The following MBTD1 variants were observed in gnomAD, a reference collection of about 807,000 sequenced individuals.
The protein encoded by MBTD1 is MBT domain-containing protein 1.
MBTD1 carries 24 observed loss-of-function variants against 87.8 expected under a neutral mutation model. The observed-to-expected ratio is 0.27, with a 90% CI of 0.20 to 0.38. The LOEUF is 0.38. Among genes scored for constraint, MBTD1 ranks in the 10% least tolerant of loss-of-function variants. MBTD1 has a pLI of 1.00. For missense variants in MBTD1, 436 were observed against 760.2 expected, an observed-to-expected ratio of 0.57 and a Z score of 5.02; for synonymous variants, 237 against 248.6, an observed-to-expected ratio of 0.95 and a Z score of 0.44.
In MBTD1 at chr17:51,233,287, T is replaced by C. The variant is rs370616110; in HGVS notation, c.-48-8078A>G. Among the ~76,000 whole-genome samples the C allele has an allele frequency of 1.3e-4, 20 of 152,194 alleles. 2 individuals are homozygous for C. The South Asian group carries it at 2.3e-3, about 17-fold the overall frequency. On this transcript the variant is annotated intron_variant, in intron 2 of 16. Transcript: ENST00000586178. ...GTAGACAGTCTAATCAGGTGCTTAG[T>C]ACCTAAACATTAAGGCCTCTAAGTA...
chr17:51,221,310 C>A (rs916284453), intron 3 of MBTD1, among the ~76,000 whole-genome samples: 8 of 152,094 alleles, frequency 5.3e-5, no homozygotes, highest in Admixed American at 5.2e-4. Context: ...AAACAAAAAA[C>A]AAAACAAAAC....
In MBTD1 at chr17:51,252,733, C is replaced by CAA. The variant is rs58514235; in HGVS notation, c.-49+6408_-49+6409dup. ...TGGGCGACAGAGTGAGACTCTGTCT[C>CAA]AAAAAAAAACAAAACAACAAAACAA... is the stretch of plus-strand genomic sequence containing the variant. On this transcript the variant is annotated intron_variant, in intron 2 of 16. Coordinates refer to ENST00000586178, the MANE Select transcript of MBTD1 (RefSeq NM_017643.3). Among the ~76,000 whole-genome samples the CAA allele has an allele frequency of 4.9e-3, 725 of 148,208 alleles. 4 individuals are homozygous for CAA. The highest frequency in any genetic ancestry group is 9.8e-3 in the South Asian group (46 of 4,682).
intron 6 of MBTD1, chr17:51,209,273 G>A: frequency 2.3e-6 from 1 of 440,776 alleles, no homozygotes; most frequent in South Asian, 1.7e-5. Flanking sequence ...GGCATAGCAT[G>A]AACTAGCAGA....
intron 1 of MBTD1, among the ~76,000 whole-genome samples, chr17:51,259,506 A>G (rs918504850): frequency 5.3e-5 from 8 of 152,056 alleles, no homozygotes; most frequent in Non-Finnish European, 1.2e-4. Flanking sequence ...CTAAAAAAGG[A>G]AAAGTCTCGG....
rs937631205 is a variant in MBTD1 at position 51,255,921 on chromosome 17, C to T, written c.-49+3222G>A. ...TTAATATTAACCAATATTTATTGAA[C>T]GATATATACAAATCACTATGCTTAG... On this transcript the variant is annotated intron_variant, in intron 2 of 16. Coordinates refer to ENST00000586178, the MANE Select transcript of MBTD1 (RefSeq NM_017643.3). 4.6e-5 allele frequency among the ~76,000 whole-genome samples: 7 copies of T among 152,056 alleles called. 1 individual carries two copies. Among genetic ancestry groups the T allele is most frequent in the Admixed American group, 2.6e-4 (4 of 15,260 alleles).
At chr17:51,232,720 T>C (rs2053611514) in intron 2 of MBTD1, among the ~76,000 whole-genome samples, 1 of 152,062 alleles carries the variant, frequency 6.6e-6, no homozygotes, top group Admixed American at 6.6e-5. Flanking sequence ...AATTAGATAC[T>C]GGCTAAGAAT....
At chr17:51,259,743 G>T (rs117630895) in intron 1 of MBTD1, 92 bp downstream of exon 1, 1 of 1,152,094 alleles carries the variant, frequency 8.7e-7, no homozygotes, top group East Asian at 3.2e-5. Flanking sequence ...GCCAGGGAGC[G>T]GGGTCAGGGA....
chr17:51,238,977 G>C (rs2054009207), intron 2 of MBTD1, among the ~76,000 whole-genome samples: 2 of 152,074 alleles, frequency 1.3e-5, no homozygotes, highest in African/African-American at 2.4e-5. Context: ...ATGTGCGTCT[G>C]TAGTCCCAGC....
chr17:51,228,607 CA>C (rs5820846), intron 2 of MBTD1, among the ~76,000 whole-genome samples: 14,361 of 137,612 alleles, frequency 0.1, 841 homozygotes, highest in African/African-American at 0.18. Flanking sequence ...ATAAAAAGGA[CA>C]AAAAAAAAAA....
chr17:51,182,992 T>C (rs2050382753), intron 16 of MBTD1, among the ~76,000 whole-genome samples: 1 of 152,134 alleles, frequency 6.6e-6, no homozygotes, highest in Non-Finnish European at 1.5e-5. Flanking sequence ...TTTCACCATG[T>C]TGGTCAGGCT....
chr17:51,235,107 T>G (rs1356400566), intron 2 of MBTD1, among the ~76,000 whole-genome samples: 1 of 151,914 alleles, frequency 6.6e-6, no homozygotes, highest in Non-Finnish European at 1.5e-5. Flanking sequence ...AGAAGAAAAC[T>G]ACAGAATAAA....
chr17:51,207,434 C>T (rs1239788062), intron 6 of MBTD1, among the ~76,000 whole-genome samples: 2 of 152,020 alleles, frequency 1.3e-5, no homozygotes, highest in Admixed American at 1.3e-4. Context: ...TGGTTTCCAA[C>T]AACATGAATA....
Position 51,213,211 on chromosome 17 carries a change from T to C in MBTD1, c.486+4123A>G, listed in dbSNP as rs189001803. On this transcript the variant is annotated intron_variant, in intron 6 of 16. Transcript: ENST00000586178. ...GTGCCACCATGCCCAGCTAATTTTT[T>C]TGTAGAAATGAGGTCTCACTATGTT... Among the ~76,000 whole-genome samples the C allele has an allele frequency of 3.0e-3, 456 of 152,012 alleles. 8 individuals carry two copies. Among genetic ancestry groups the C allele is most frequent in the Non-Finnish European group, 2.7e-3 (185 of 67,958 alleles).
chr17:51,256,058 T>C (rs1386192492), intron 2 of MBTD1, among the ~76,000 whole-genome samples: 1 of 152,228 alleles, frequency 6.6e-6, no homozygotes, highest in Non-Finnish European at 1.5e-5. Context: ...GAGTATTATA[T>C]ACAACCAGTT....
chr17:51,259,872 G>T lies in MBTD1; in HGVS notation c.-150C>A, dbSNP rs1343580322. 1 of 1,231,886 alleles carries T rather than the reference G, an allele frequency of 8.1e-7. No homozygotes were observed. Among genetic ancestry groups the T allele is most frequent in the Non-Finnish European group, 1.0e-6 (1 of 987,914 alleles). 76.3% of individuals were successfully genotyped at this position (1,231,886 alleles called of 1,614,324 possible). A position where few individuals can be genotyped will look rare whatever the true frequency, so the allele number is the denominator to read the frequency against. On this transcript the variant is annotated 5_prime_UTR_variant, in exon 1 of 17. Coordinates refer to ENST00000586178, the MANE Select transcript of MBTD1 (RefSeq NM_017643.3). ...GTTTTCCATCAGGGCCTCATGGGTA[G>T]GGGTTGTCCGTGCTCCCCGAGCCCG...
chr17:51,200,359 C>T (rs9891557), intron 12 of MBTD1, among the ~76,000 whole-genome samples: 17,977 of 150,886 alleles, frequency 0.12, 1,803 homozygotes, highest in African/African-American at 0.27. Flanking sequence ...CTCAGGAGTT[C>T]GAGACTATCC....
chr17:51,201,818 AACTTCC>A lies in MBTD1; in HGVS notation c.1120-128_1120-123del. 9.1e-6 allele frequency: 7 copies of A among 767,020 alleles called. 1 individual carries two copies. The South Asian group carries it at 1.1e-4, about 12-fold the overall frequency. The allele number at this position is 767,020 out of a possible 1,614,324, so 47.5% of individuals were successfully genotyped here. On this transcript the variant is annotated intron_variant, in intron 11 of 16. Coordinates refer to ENST00000586178, the MANE Select transcript of MBTD1 (RefSeq NM_017643.3). ...CCTACCTACCTAATATTATAACTCAAACTTCCATTAAGGTTTAGAGAGAATTCAGAC... is the reference window on the plus strand; with the variant it reads ...CCTACCTACCTAATATTATAACTCAAATTAAGGTTTAGAGAGAATTCAGAC...
intron 4 of MBTD1, among the ~76,000 whole-genome samples, chr17:51,220,072 A>G (rs917823776): frequency 3.3e-5 from 5 of 152,260 alleles, no homozygotes; most frequent in Non-Finnish European, 5.9e-5. Flanking sequence ...AAGTGTTTAT[A>G]CTTATTTGGA....
At chr17:51,198,262 A>G (rs2051252987) in intron 12 of MBTD1, among the ~76,000 whole-genome samples, 1 of 152,174 alleles carries the variant, frequency 6.6e-6, no homozygotes, top group South Asian at 2.1e-4. Context: ...CCCCTCTTAG[A>G]CAGTAAAACT....
Sources: allele counts gnomAD v4.1 joint callset (sites outside exome capture counted in the v4.1 genomes callset), GRCh38; gene constraint gnomAD v4.1.1; transcripts MANE v1.5; gene names NCBI Gene and HGNC (gene_info 2026-07-23, HGNC 2026-07-21).